SPAG16: variants seen among roughly 807,000 people sequenced by gnomAD.
The protein encoded by SPAG16 is sperm-associated antigen 16 protein.
SPAG16 carries 86 observed loss-of-function variants against 80.4 expected under a neutral mutation model. The ratio of observed to expected loss-of-function variants is 1.07; its 90% CI spans 0.90 to 1.28. The LOEUF is 1.28. SPAG16 is among the 50% of genes most tolerant of loss of function. The pLI is 0.00. For missense variants in SPAG16, 870 were observed against 765.3 expected (o/e 1.14, Z -1.61); for synonymous variants, 294 against 265.9 (o/e 1.11, Z -1.03).
chr2:214,337,213 T>TAAA (rs1697360330), intron 15 of SPAG16, among the ~76,000 whole-genome samples: 1 of 151,876 alleles, frequency 6.6e-6, no homozygotes. Flanking sequence ...TGGAAATGGG[T>TAAA]AAAAGAGACT....
At chr2:214,021,170 T>TA (rs1575849853) in intron 13 of SPAG16, among the ~76,000 whole-genome samples, 1 of 152,196 alleles carries the variant, frequency 6.6e-6, no homozygotes, top group African/African-American at 2.4e-5. Context: ...AACACTTTGC[T>TA]AAAAAATTGT....
intron 11 of SPAG16, among the ~76,000 whole-genome samples, chr2:213,919,417 C>T (rs989711072): frequency 6.6e-6 from 1 of 152,052 alleles, no homozygotes; most frequent in Admixed American, 6.5e-5. Flanking sequence ...TTGATGTGGG[C>T]ATTTAGTGCT....
intron 10 of SPAG16, among the ~76,000 whole-genome samples, chr2:213,716,751 C>G (rs1392089061): frequency 2.0e-5 from 3 of 152,174 alleles, no homozygotes; most frequent in Non-Finnish European, 4.4e-5. Context: ...TTTGGCTACT[C>G]TGTCATCAGT....
intron 9 of SPAG16, among the ~76,000 whole-genome samples, chr2:213,408,129 A>AAAAC (rs150134581): frequency 0.29 from 44,019 of 151,422 alleles, 6,857 homozygotes; most frequent in African/African-American, 0.34. Flanking sequence ...AAAAAAAACA[A>AAAAC]AAAAACCAGT....
At chr2:213,286,565 T>C (rs1485519008) in intron 1 of SPAG16, among the ~76,000 whole-genome samples, 1 of 152,214 alleles carries the variant, frequency 6.6e-6, no homozygotes, top group African/African-American at 2.4e-5. Context: ...TTAAAGTCTT[T>C]GCTTTCAGGT....
chr2:214,098,064 T>C (rs2052729044), intron 13 of SPAG16, among the ~76,000 whole-genome samples: 1 of 152,114 alleles, frequency 6.6e-6, no homozygotes. Context: ...CATTATATGC[T>C]TGTATGATAT....
intron 15 of SPAG16, among the ~76,000 whole-genome samples, chr2:214,225,522 G>A (rs1912175): frequency 0.24 from 36,254 of 151,998 alleles, 5,772 homozygotes; most frequent in African/African-American, 0.46. Context: ...AAAATATTAA[G>A]TTACTATCTA....
chr2:213,466,889 G>A (rs2072728720), intron 9 of SPAG16, among the ~76,000 whole-genome samples: 1 of 152,196 alleles, frequency 6.6e-6, no homozygotes, highest in Admixed American at 6.5e-5. Context: ...TGGGTGGTCT[G>A]GTTGGAGGGA....
intron 15 of SPAG16, among the ~76,000 whole-genome samples, chr2:214,221,608 G>GT (rs1000786295): frequency 2.6e-5 from 4 of 151,822 alleles, no homozygotes; most frequent in Admixed American, 1.3e-4. Context: ...GTAAATATTT[G>GT]TTTTTTTGAA....
At chr2:213,844,528 ATAT>A (rs757151104) in intron 10 of SPAG16, among the ~76,000 whole-genome samples, 17 of 152,308 alleles carry the variant, frequency 1.1e-4, no homozygotes, top group Non-Finnish European at 1.5e-4. Flanking sequence ...AATATTCATA[ATAT>A]TCACCATTTT....
At position 214,390,012 on chromosome 2, in the gene SPAG16, G is replaced by A. The variant is rs572829863; in HGVS notation, c.1721-20128G>A. Among the ~76,000 whole-genome samples, 6 of 152,288 alleles carry A rather than the reference G, an allele frequency of 3.9e-5. No individual in the cohort carries two copies. In the East Asian group the frequency reaches 9.7e-4, roughly 25 times the overall value. Reference sequence around the variant, plus strand: ...CAGGAATGGTTATTAACCAACGTTTGTACTGAAGCCCGACACTATGTGTAG... The same window carrying A: ...CAGGAATGGTTATTAACCAACGTTTATACTGAAGCCCGACACTATGTGTAG... On this transcript the variant is annotated intron_variant, in intron 15 of 15. Transcript: ENST00000331683.
At chr2:214,233,779 T>G (rs1001381278) in intron 15 of SPAG16, among the ~76,000 whole-genome samples, 4 of 152,160 alleles carry the variant, frequency 2.6e-5, no homozygotes, top group Non-Finnish European at 1.5e-5. Flanking sequence ...CCTCCAATCC[T>G]GTACATGAGG....
intron 12 of SPAG16, among the ~76,000 whole-genome samples, chr2:214,007,150 A>T (rs1224681687): frequency 6.6e-6 from 1 of 151,764 alleles, no homozygotes; most frequent in Non-Finnish European, 1.5e-5. Context: ...ACACAAATGT[A>T]CTTATATTTA....
At chr2:214,263,836 A>G (rs1233800245) in intron 15 of SPAG16, among the ~76,000 whole-genome samples, 2 of 152,238 alleles carry the variant, frequency 1.3e-5, no homozygotes, top group Non-Finnish European at 2.9e-5. Context: ...ATATTTGTGT[A>G]TACATCTTCC....
chr2:213,850,565 C>T lies in SPAG16; in HGVS notation c.1071-11920C>T, dbSNP rs182718782. ...CCTGCCTGTATGGCATTTCTTCTTTCGAGTACAGGGCAGGACCTCTCTGGA... is the reference window on the plus strand; with the variant it reads ...CCTGCCTGTATGGCATTTCTTCTTTTGAGTACAGGGCAGGACCTCTCTGGA... On this transcript the variant is annotated intron_variant, in intron 10 of 15. Coordinates refer to ENST00000331683, the MANE Select transcript of SPAG16 (RefSeq NM_024532.5). Among the ~76,000 whole-genome samples, 13 of 152,180 alleles carry T rather than the reference C, an allele frequency of 8.5e-5. No homozygotes were observed. In the South Asian group the frequency reaches 1.4e-3, roughly 17 times the overall value.
chr2:214,287,958 T>C (rs1378410771), intron 15 of SPAG16, among the ~76,000 whole-genome samples: 1 of 152,284 alleles, frequency 6.6e-6, no homozygotes, highest in Non-Finnish European at 1.5e-5. Flanking sequence ...CTTGGAAATA[T>C]ACAATACATT....
At chr2:214,238,191 T>A (rs1326345731) in intron 15 of SPAG16, 1 of 436,844 alleles carries the variant, frequency 2.3e-6, no homozygotes. Flanking sequence ...TCCAGCTTTC[T>A]TGATGTTACC....
chr2:213,393,430 G>A (rs2067871277), intron 9 of SPAG16, among the ~76,000 whole-genome samples: 1 of 151,602 alleles, frequency 6.6e-6, no homozygotes, highest in African/African-American at 2.4e-5. Context: ...AAATACATAT[G>A]TAGTCTTCAA....
chr2:214,106,062 A>G (rs989725011), intron 13 of SPAG16, among the ~76,000 whole-genome samples: 1 of 152,186 alleles, frequency 6.6e-6, no homozygotes, highest in Non-Finnish European at 1.5e-5. Context: ...TACACTTTTC[A>G]TTACCAATTA....
Sources: gnomAD v4.1 joint callset for allele counts (sites outside exome capture counted in the v4.1 genomes callset) on GRCh38, gnomAD v4.1.1 for gene constraint, MANE v1.5 for transcripts, NCBI Gene and HGNC (gene_info 2026-07-23, HGNC 2026-07-21) for gene names.